Variants in RYR3 observed in about 807,000 individuals in gnomAD.
RYR3 encodes the protein ryanodine receptor 3.
In RYR3, 207 loss-of-function variants were observed where a neutral mutation model predicts 584.3. That is an observed-to-expected ratio of 0.35 (90% CI 0.32 to 0.40). The LOEUF is 0.40. Among genes scored for constraint, RYR3 ranks in the 10% least tolerant of loss-of-function variants. The pLI is 1.00. For missense variants in RYR3, 5,616 were observed against 6,089.2 expected (o/e 0.92, Z 2.59); for synonymous variants, 2,416 against 2,248.5 (o/e 1.07, Z -2.11).
At chr15:33,591,200 T>C (rs2152533518) in intron 16 of RYR3, among the ~76,000 whole-genome samples, 2 of 152,370 alleles carry the variant, frequency 1.3e-5, no homozygotes, top group South Asian at 4.1e-4. Context: ...TCTTGTCTGC[T>C]CTTTAAAACT....
chr15:33,715,434 T>C (rs1027209136), intron 43 of RYR3, among the ~76,000 whole-genome samples: 2 of 152,204 alleles, frequency 1.3e-5, no homozygotes, highest in Admixed American at 6.5e-5. Flanking sequence ...CATCGCAATG[T>C]TGTACTCAGG....
intron 10 of RYR3, among the ~76,000 whole-genome samples, chr15:33,561,281 A>G (rs983642042): frequency 2.6e-5 from 4 of 152,244 alleles, no homozygotes; most frequent in African/African-American, 4.8e-5. Flanking sequence ...TAAGTGCCCA[A>G]TAAAGCAATT....
intron 85 of RYR3, among the ~76,000 whole-genome samples, chr15:33,830,373 C>T (rs1041308477): frequency 4.6e-5 from 7 of 152,178 alleles, no homozygotes; most frequent in Non-Finnish European, 7.4e-5. Flanking sequence ...ATTGTTAGCA[C>T]TTTTTAGCAA....
At chr15:33,851,919 A>G (rs1454046551) in intron 94 of RYR3, 1 of 152,200 alleles carries the variant, frequency 6.6e-6, no homozygotes, top group East Asian at 1.9e-4. Flanking sequence ...GAGATAAAAT[A>G]TTAGCAGTTT....
At chr15:33,789,986 C>CCTTTTTTT (rs2075049995) in intron 67 of RYR3, among the ~76,000 whole-genome samples, 9 of 53,250 alleles carry the variant, frequency 1.7e-4, no homozygotes, top group Middle Eastern at 0.025. Context: ...GCCTGGCCTT[C>CCTTTTTTT]TTTTTTTTTT....
intron 16 of RYR3, among the ~76,000 whole-genome samples, chr15:33,595,714 G>A (rs1432446638): frequency 2.0e-5 from 3 of 151,966 alleles, no homozygotes; most frequent in African/African-American, 7.3e-5. Flanking sequence ...AGCAGGACTT[G>A]GTGTCCTTTT....
intron 1 of RYR3, among the ~76,000 whole-genome samples, chr15:33,399,945 A>G (rs562858148): frequency 5.9e-5 from 9 of 152,294 alleles, no homozygotes; most frequent in East Asian, 3.9e-4. Flanking sequence ...GAGCACCTCA[A>G]TGAATTACTA....
chr15:33,820,745 A>G lies in RYR3; in HGVS notation c.10759-11A>G. 3.1e-6 allele frequency: 5 copies of G among 1,603,530 alleles called. No individual in the cohort carries two copies. Among genetic ancestry groups the G allele is most frequent in the African/African-American group, 1.3e-5 (1 of 74,870 alleles). ...GTCTGTCTTCTCCCTTCCCTGCTCC[A>G]TGAAATCCAGAGTTGTCAAAGTGGT... is the stretch of plus-strand genomic sequence containing the variant. On this transcript the variant is annotated splice_polypyrimidine_tract_variant and intron_variant, in intron 77 of 103. Transcript: ENST00000634891.
At chr15:33,744,422 C>T (rs908344252) in intron 52 of RYR3, among the ~76,000 whole-genome samples, 3 of 152,122 alleles carry the variant, frequency 2.0e-5, no homozygotes, top group African/African-American at 7.2e-5. Context: ...CTCACCAGTA[C>T]CAGGCGGCGC....
intron 48 of RYR3, among the ~76,000 whole-genome samples, chr15:33,735,944 T>C (rs1157098906): frequency 6.6e-6 from 1 of 152,256 alleles, no homozygotes; most frequent in East Asian, 1.9e-4. Context: ...TTATATTCTT[T>C]GCACATAATC....
intron 1 of RYR3, among the ~76,000 whole-genome samples, chr15:33,383,999 T>C (rs368214557): frequency 1.6e-4 from 25 of 152,292 alleles, no homozygotes; most frequent in African/African-American, 5.3e-4. Flanking sequence ...CTTATGTCAA[T>C]TAACGCAAGA....
intron 2 of RYR3, among the ~76,000 whole-genome samples, chr15:33,489,074 A>G (rs553124691): frequency 6.6e-6 from 1 of 152,260 alleles, no homozygotes; most frequent in African/African-American, 2.4e-5. Context: ...TTGCTGTAAA[A>G]TGTTATGCAA....
chr15:33,815,142 T>A (rs2076749787), intron 74 of RYR3, among the ~76,000 whole-genome samples: 1 of 151,182 alleles, frequency 6.6e-6, no homozygotes, highest in South Asian at 2.1e-4. Context: ...AGAAACAGAT[T>A]ACTATCTTTG....
intron 1 of RYR3, among the ~76,000 whole-genome samples, chr15:33,471,073 G>T (rs1176258447): frequency 6.6e-6 from 1 of 152,172 alleles, no homozygotes; most frequent in Admixed American, 6.5e-5. Flanking sequence ...AGAATTCAGT[G>T]CAAAGATTTC....
chr15:33,648,351 A>G (rs1048657077), intron 30 of RYR3, among the ~76,000 whole-genome samples: 1 of 152,220 alleles, frequency 6.6e-6, no homozygotes, highest in African/African-American at 2.4e-5. Context: ...ACAGACTACA[A>G]ATAAGAGCCA....
At chr15:33,804,862 T>C (rs1398254576) in intron 69 of RYR3, among the ~76,000 whole-genome samples, 1 of 152,194 alleles carries the variant, frequency 6.6e-6, no homozygotes, top group East Asian at 1.9e-4. Context: ...CCTCAGTGCA[T>C]ATGGCAGGCT....
intron 20 of RYR3, among the ~76,000 whole-genome samples, chr15:33,627,343 C>T (rs567309882): frequency 3.9e-5 from 6 of 152,212 alleles, no homozygotes; most frequent in South Asian, 2.1e-4. Flanking sequence ...ACCCCTGTGG[C>T]GAGATAGGAG....
rs1340585718 is a variant in RYR3 at position 33,550,225 on chromosome 15, A to G, written c.881A>G (p.Tyr294Cys). 3 of 1,613,702 alleles carry G rather than the reference A, an allele frequency of 1.9e-6. No individual in the cohort carries two copies. Among genetic ancestry groups the G allele is most frequent in the South Asian group, 2.2e-5 (2 of 91,000 alleles). Reference protein sequence around the residue: ...FRLRHLTTGHYLALTEDQGLI... With the variant: ...FRLRHLTTGHCLALTEDQGLI... Reference sequence around the variant, plus strand: ...CTCCGGCATCTCACCACAGGCCACTACCTGGCCTTGACAGAAGACCAAGGC... The same window carrying G: ...CTCCGGCATCTCACCACAGGCCACTGCCTGGCCTTGACAGAAGACCAAGGC... Residue 294 changes from tyrosine to cysteine, a missense_variant, in exon 10 of 104, where the codon TAC becomes TGC. By Grantham distance (194) the Tyr-to-Cys change is radical (BLOSUM62 -2). This residue lies in a region of RYR3 where 1,284 missense variants were observed against 1,344.6 expected (regional missense o/e 0.95). Transcript: ENST00000634891.
At chr15:33,626,791 G>A (rs907094506) in intron 20 of RYR3, among the ~76,000 whole-genome samples, 1 of 152,178 alleles carries the variant, frequency 6.6e-6, no homozygotes, top group Non-Finnish European at 1.5e-5. Flanking sequence ...GGCCTTGGTA[G>A]CTTCCACGTG....
Sources: gnomAD v4.1 joint callset for allele counts (sites outside exome capture counted in the v4.1 genomes callset) on GRCh38, gnomAD v4.1.1 for gene constraint, gnomAD v4.1.1 regional missense constraint, MANE v1.5 for transcripts, NCBI Gene and HGNC (gene_info 2026-07-23, HGNC 2026-07-21) for gene names.